Variants in PPP2R2B observed in about 807,000 individuals in gnomAD.
PPP2R2B encodes the protein protein phosphatase 2 regulatory subunit Bbeta.
PPP2R2B carries 5 observed loss-of-function variants against 46.0 expected under a neutral mutation model. The ratio of observed to expected loss-of-function variants is 0.11; its 90% CI spans 0.06 to 0.23. The LOEUF (loss-of-function observed/expected upper bound fraction) is 0.23, where lower values mean the gene tolerates loss of function less well. Ranked by LOEUF, PPP2R2B falls within the 10% of genes least tolerant of loss-of-function variation. PPP2R2B has a pLI of 1.00. For missense variants in PPP2R2B, 367 were observed against 575.0 expected, an observed-to-expected ratio of 0.64 and a Z score of 3.70; for synonymous variants, 215 against 206.7, an observed-to-expected ratio of 1.04 and a Z score of -0.34.
intron 2 of PPP2R2B, among the ~76,000 whole-genome samples, chr5:146,849,299 G>A (rs1760201521): frequency 6.6e-6 from 1 of 152,110 alleles, no homozygotes; most frequent in South Asian, 2.1e-4. Context: ...GTAGTCACTT[G>A]TGAATATATA....
intron 1 of PPP2R2B, among the ~76,000 whole-genome samples, chr5:146,986,886 T>C (rs1034721987): frequency 1.3e-5 from 2 of 151,956 alleles, no homozygotes; most frequent in African/African-American, 4.8e-5. Context: ...AAAAGAGAAA[T>C]ATATAAATAG....
intron 1 of PPP2R2B, among the ~76,000 whole-genome samples, chr5:146,951,588 C>A (rs985142548): frequency 6.6e-6 from 1 of 152,010 alleles, no homozygotes; most frequent in Admixed American, 6.6e-5. Context: ...TCAGCTCTCA[C>A]TTATAAGTGA....
chr5:146,883,550 G>C (rs1037370671), upstream of PPP2R2B, among the ~76,000 whole-genome samples: 2 of 152,158 alleles, frequency 1.3e-5, no homozygotes, highest in African/African-American at 4.8e-5. Flanking sequence ...AAGGAATCAG[G>C]ATTATCTTCT....
chr5:147,075,274 A>G lies in PPP2R2B; in HGVS notation c.50+5785T>C, dbSNP rs769479676. Among the ~76,000 whole-genome samples the G allele has an allele frequency of 4.8e-4, 73 of 152,158 alleles. 2 individuals are homozygous for G. Among genetic ancestry groups the G allele is most frequent in the Non-Finnish European group, 3.4e-4 (23 of 68,000 alleles). ...CAAGCATTGCACACGGTAAATCAGA[A>G]CTTTTAAATGTGTAAGTGTCTTGCA... On this transcript the variant is annotated intron_variant, in intron 2 of 10. Transcript: ENST00000394413.
intron 4 of PPP2R2B, among the ~76,000 whole-genome samples, chr5:146,692,597 A>G (rs1581889215): frequency 2.7e-5 from 4 of 147,894 alleles, no homozygotes; most frequent in African/African-American, 7.6e-5. Context: ...GCAGTGGCAC[A>G]ATCTCAGCTC....
At chr5:146,658,104 A>T (rs984116725) in intron 5 of PPP2R2B, among the ~76,000 whole-genome samples, 3 of 152,208 alleles carry the variant, frequency 2.0e-5, no homozygotes, top group Non-Finnish European at 4.4e-5. Flanking sequence ...CTTCTTACTC[A>T]AACCACCCCT....
At chr5:146,958,482 A>G (rs1350799185) in intron 1 of PPP2R2B, among the ~76,000 whole-genome samples, 1 of 152,140 alleles carries the variant, frequency 6.6e-6, no homozygotes, top group East Asian at 1.9e-4. Context: ...TTATTACTTT[A>G]TTACCGTCAC....
chr5:146,986,625 T>C (rs949492747), intron 1 of PPP2R2B, among the ~76,000 whole-genome samples: 1 of 152,042 alleles, frequency 6.6e-6, no homozygotes, highest in Non-Finnish European at 1.5e-5. Flanking sequence ...AATTGAAAAG[T>C]ACAGTAGAGG....
At chr5:146,892,295 C>T (rs921853352) in intron 1 of PPP2R2B, among the ~76,000 whole-genome samples, 1 of 152,086 alleles carries the variant, frequency 6.6e-6, no homozygotes, top group Non-Finnish European at 1.5e-5. Flanking sequence ...TGCACACATG[C>T]CACACAGGGG....
At chr5:146,731,774 T>C (rs1050176268) in intron 2 of PPP2R2B, among the ~76,000 whole-genome samples, 1 of 152,186 alleles carries the variant, frequency 6.6e-6, no homozygotes, top group South Asian at 2.1e-4. Flanking sequence ...AAATCCTCAA[T>C]AAGTTTTAGG....
intron 1 of PPP2R2B, among the ~76,000 whole-genome samples, chr5:146,994,060 A>G (rs1449015446): frequency 6.6e-6 from 1 of 152,150 alleles, no homozygotes; most frequent in East Asian, 1.9e-4. Context: ...GTCAAGGCAG[A>G]CAGTCAAAAA....
chr5:147,054,587 T>TA, intron 1 of PPP2R2B: 1 of 456,130 alleles, frequency 2.2e-6, no homozygotes. Flanking sequence ...AAGGTACGGA[T>TA]AAAAAATTAC....
chr5:146,766,287 T>G (rs116152411), intron 2 of PPP2R2B, among the ~76,000 whole-genome samples: 3,428 of 152,244 alleles, frequency 0.023, 60 homozygotes, highest in Non-Finnish European at 0.036. Flanking sequence ...TATTTTTAGG[T>G]TTAAAAAAGA....
At chr5:147,033,663 T>C (rs2151892992) in intron 1 of PPP2R2B, among the ~76,000 whole-genome samples, 1 of 152,220 alleles carries the variant, frequency 6.6e-6, no homozygotes, top group South Asian at 2.1e-4. Flanking sequence ...TAAGCCTACA[T>C]AGCAAGTCAA....
At chr5:146,787,736 T>C (rs900099227) in intron 2 of PPP2R2B, among the ~76,000 whole-genome samples, 1 of 152,002 alleles carries the variant, frequency 6.6e-6, no homozygotes, top group African/African-American at 2.4e-5. Context: ...CCTGGCTAAG[T>C]TTTGTATTTT....
chr5:146,927,987 G>T (rs928190910), intron 1 of PPP2R2B, among the ~76,000 whole-genome samples: 1 of 152,076 alleles, frequency 6.6e-6, no homozygotes, highest in East Asian at 1.9e-4. Flanking sequence ...TGATCCACCC[G>T]CCTTGGCCTC....
chr5:146,821,398 C>A (rs986763708), intron 2 of PPP2R2B, among the ~76,000 whole-genome samples: 1 of 152,182 alleles, frequency 6.6e-6, no homozygotes, highest in Non-Finnish European at 1.5e-5. Flanking sequence ...AGATCAAGCT[C>A]AAAGCATGAG....
chr5:146,911,590 A>G (rs1026015909), intron 1 of PPP2R2B, among the ~76,000 whole-genome samples: 4 of 152,206 alleles, frequency 2.6e-5, no homozygotes, highest in African/African-American at 9.6e-5. Context: ...TAAAAATAAT[A>G]TTGCCACTGG....
At chr5:146,888,717 C>T (rs1021137043) in intron 1 of PPP2R2B, among the ~76,000 whole-genome samples, 1 of 152,170 alleles carries the variant, frequency 6.6e-6, no homozygotes, top group Admixed American at 6.5e-5. Flanking sequence ...TTCACCTCCC[C>T]TCCCACCACC....
Sources: allele counts gnomAD v4.1 joint callset (sites outside exome capture counted in the v4.1 genomes callset), GRCh38; gene constraint gnomAD v4.1.1; transcripts MANE v1.5; gene names NCBI Gene and HGNC (gene_info 2026-07-23, HGNC 2026-07-21).